The following MEGF11 variants were observed in gnomAD, a reference collection of about 807,000 sequenced individuals.
The protein encoded by MEGF11 is multiple EGF like domains 11, also known as multiple epidermal growth factor-like domains protein 11.
MEGF11 carries 126 observed loss-of-function variants against 146.6 expected under a neutral mutation model. That is an observed-to-expected ratio of 0.86 (90% CI 0.74 to 1.00). The LOEUF is 1.00. Among genes scored for constraint, MEGF11 ranks in the 50% least tolerant of loss-of-function variants. The pLI, the probability that MEGF11 is intolerant of heterozygous loss-of-function variation, is 0.00. For missense variants in MEGF11, 1,509 were observed against 1,521.2 expected (o/e 0.99, Z 0.13); for synonymous variants, 532 against 583.4 (o/e 0.91, Z 1.27).
At chr15:66,211,927 C>CACTCATACAGACCAAATCACTCAT (rs1201007074) in intron 1 of MEGF11, among the ~76,000 whole-genome samples, 1 of 4,984 alleles carries the variant, frequency 2.0e-4, no homozygotes, top group Non-Finnish European at 3.7e-4. Context: ...TCATACAGAC[C>CACTCATACAGACCAAATCACTCAT]ACAGCACAGA....
At position 65,957,715 on chromosome 15, in the gene MEGF11, G is replaced by A. The variant is rs141780279; in HGVS notation, c.1119C>T (p.His373=). 6.3e-5 allele frequency: 101 copies of A among 1,613,724 alleles called. No homozygotes were observed. The African/African-American group carries it at 1.3e-3, about 20-fold the overall frequency. Residue 373 remains histidine (H), a synonymous_variant, in exon 10 of 26, where the codon CAC becomes CAT. Coordinates refer to ENST00000395614, the MANE Select transcript of MEGF11 (RefSeq NM_001385028.1). Reference sequence around the variant, plus strand: ...GGCAGGTACAAGCTCCAGTTACTGGGTGGCAGCTGCACAGATGAGAGAAGG... The same window carrying A: ...GGCAGGTACAAGCTCCAGTTACTGGATGGCAGCTGCACAGATGAGAGAAGG... ...PCDADNTISC[H]PVTGACTCQP...
chr15:66,218,480 G>A (rs867189405), intron 1 of MEGF11, among the ~76,000 whole-genome samples: 2 of 152,128 alleles, frequency 1.3e-5, no homozygotes, highest in African/African-American at 4.8e-5. Context: ...CCCACTCCTC[G>A]GATCCAGGCT....
intron 4 of MEGF11, among the ~76,000 whole-genome samples, chr15:66,104,091 G>C (rs7170679): frequency 0.38 from 57,807 of 152,148 alleles, 11,328 homozygotes; most frequent in South Asian, 0.47. Context: ...ATGTGTGAAG[G>C]CCTGACACCA....
intron 5 of MEGF11, among the ~76,000 whole-genome samples, chr15:66,077,336 C>T (rs920822978): frequency 2.6e-5 from 4 of 152,210 alleles, no homozygotes; most frequent in East Asian, 1.9e-4. Flanking sequence ...AGCATCTTTC[C>T]GATCTCTCCA....
intron 5 of MEGF11, among the ~76,000 whole-genome samples, chr15:66,029,641 A>C (rs1372092516): frequency 6.6e-6 from 1 of 152,208 alleles, no homozygotes; most frequent in African/African-American, 2.4e-5. Flanking sequence ...CAGAGATGTC[A>C]AGAATTGTTC....
chr15:65,920,373 C>G (rs2079135775), intron 15 of MEGF11, among the ~76,000 whole-genome samples: 1 of 152,220 alleles, frequency 6.6e-6, no homozygotes. Context: ...GGCTGCCCAG[C>G]CTCTTCTTTC....
intron 5 of MEGF11, among the ~76,000 whole-genome samples, chr15:65,997,389 G>A (rs1003660102): frequency 6.6e-6 from 1 of 152,044 alleles, no homozygotes; most frequent in Non-Finnish European, 1.5e-5. Flanking sequence ...GGGATTGAGT[G>A]GGGAATAAAA....
chr15:66,211,636 G>T (rs1003861755), intron 1 of MEGF11, among the ~76,000 whole-genome samples: 5 of 151,808 alleles, frequency 3.3e-5, no homozygotes, highest in Non-Finnish European at 7.4e-5. Context: ...AGGCAGAGGT[G>T]GGAAGCCAGC....
At chr15:66,089,343 C>T (rs1188361469) in intron 5 of MEGF11, among the ~76,000 whole-genome samples, 1 of 152,190 alleles carries the variant, frequency 6.6e-6, no homozygotes, top group Non-Finnish European at 1.5e-5. Flanking sequence ...GTGTACCGGG[C>T]TTTGACTTAT....
Position 65,909,037 on chromosome 15 carries a change from G to T in MEGF11, c.2995C>A (p.Pro999Thr). 1.3e-6 allele frequency: 2 copies of T among 1,534,354 alleles called. No homozygotes were observed. The highest frequency in any genetic ancestry group is 1.7e-6 in the Non-Finnish European group (2 of 1,145,420). Residue 999 changes from proline to threonine, a missense_variant, in exon 23 of 26, where the codon CCA becomes ACA. Physicochemically the swap from Pro to Thr is conservative, Grantham distance 38. Transcript: ENST00000395614. ...GAGGGTAGGGCTGGGGTCTGACCTG[G>T]TGAGTGTGGCTCAGCGGGGCGGCTG... ...HLSRPAEPHS[P>T]GACGMDRRQN...
At chr15:65,930,084 T>C (rs2079519757) in intron 11 of MEGF11, among the ~76,000 whole-genome samples, 1 of 152,172 alleles carries the variant, frequency 6.6e-6, no homozygotes. Context: ...GTCTCCTGCC[T>C]CCGGGTGCTC....
chr15:65,980,680 C>A, intron 7 of MEGF11, 98 bp downstream of exon 7: 2 of 1,426,026 alleles, frequency 1.4e-6, no homozygotes, highest in South Asian at 1.6e-5. Context: ...ATTACAGTCA[C>A]GAGTACCATG....
At chr15:65,992,598 TG>T (rs1049547178) in intron 5 of MEGF11, among the ~76,000 whole-genome samples, 4 of 150,840 alleles carry the variant, frequency 2.7e-5, no homozygotes, top group Admixed American at 2.6e-4. Context: ...AGAGAGGAGG[TG>T]GGAAGATGGG....
At chr15:65,909,261 C>T in intron 22 of MEGF11, 126 bp from the exon 23 acceptor site, 1 of 702,866 alleles carries the variant, frequency 1.4e-6, no homozygotes, top group Non-Finnish European at 2.5e-6. Flanking sequence ...TTGGGGGCCT[C>T]TGTGTATAGC....
chr15:65,911,528 C>T (rs1261260964), intron 21 of MEGF11, among the ~76,000 whole-genome samples: 1 of 152,216 alleles, frequency 6.6e-6, no homozygotes, highest in South Asian at 2.1e-4. Context: ...CCTCCTGCCT[C>T]AGCCTCGCAA....
intron 5 of MEGF11, among the ~76,000 whole-genome samples, chr15:65,997,698 G>A (rs549476695): frequency 3.3e-5 from 5 of 152,124 alleles, no homozygotes; most frequent in East Asian, 3.8e-4. Flanking sequence ...TATCCCCAGC[G>A]CCTCGAACAG....
intron 1 of MEGF11, among the ~76,000 whole-genome samples, chr15:66,133,982 C>A (rs1486635502): frequency 6.6e-6 from 1 of 152,046 alleles, no homozygotes; most frequent in African/African-American, 2.4e-5. Context: ...AGTCCCTGCT[C>A]CACCACCCTG....
Position 65,916,204 on chromosome 15 carries a change from T to A in MEGF11, c.2288A>T (p.His763Leu), listed in dbSNP as rs1269355435. The A allele has an allele frequency of 6.3e-7, 1 of 1,576,590 alleles. No homozygotes were observed. Among genetic ancestry groups the A allele is most frequent in the Non-Finnish European group, 8.6e-7 (1 of 1,161,170 alleles). The change falls in exon 18 of 26, where the codon CAC becomes CTC. Residue 763 changes from histidine to leucine, a missense_variant. Coordinates refer to ENST00000395614, the MANE Select transcript of MEGF11 (RefSeq NM_001385028.1). ...GCGGCAGGTGCACTTGCCACTGATG[T>A]GGTCACAGCTGGCGCCATTCTGACA... ...CQCQNGASCDHISGKCTCRTG... is the reference protein window; with the variant it reads ...CQCQNGASCDLISGKCTCRTG...
At chr15:66,082,277 G>C (rs563781194) in intron 5 of MEGF11, among the ~76,000 whole-genome samples, 1 of 151,204 alleles carries the variant, frequency 6.6e-6, no homozygotes, top group South Asian at 2.1e-4. Flanking sequence ...GTCCTCCCCA[G>C]GCTGCTGGGC....
Sources: allele counts gnomAD v4.1 joint callset (sites outside exome capture counted in the v4.1 genomes callset), GRCh38; gene constraint gnomAD v4.1.1; transcripts MANE v1.5; gene names NCBI Gene and HGNC (gene_info 2026-07-23, HGNC 2026-07-21).